The following CD22 variants were observed in gnomAD, a reference collection of about 807,000 sequenced individuals.
CD22 encodes CD22 molecule.
A neutral mutation model predicts 94.7 loss-of-function variants in CD22; 51 were observed. The observed-to-expected ratio is 0.54, with a 90% CI of 0.43 to 0.68. The LOEUF (loss-of-function observed/expected upper bound fraction) is 0.68, where lower values mean the gene tolerates loss of function less well. Among genes scored for constraint, CD22 ranks in the 30% least tolerant of loss-of-function variants. The probability of loss-of-function intolerance (pLI) is 0.00; values close to 1 mark genes in which losing one functional copy is unlikely to be tolerated. For synonymous variants in CD22, 424 were observed against 422.5 expected (o/e 1.00, Z -0.04); for missense variants, 931 against 1,060.4 (o/e 0.88, Z 1.69).
intron 6 of CD22, 147 bp downstream of exon 6, chr19:35,338,578 C>T: frequency 2.6e-6 from 2 of 771,070 alleles, no homozygotes; most frequent in Non-Finnish European, 4.1e-6. Context: ...TGTCTCAGCT[C>T]CTAGCATAGG....
Position 35,337,011 on chromosome 19 carries a change from G to A in CD22, c.718+670G>A, listed in dbSNP as rs540049875. Among the ~76,000 whole-genome samples, 10 of 152,210 alleles carry A rather than the reference G, an allele frequency of 6.6e-5. No individual in the cohort carries two copies. In the East Asian group the frequency reaches 9.7e-4, roughly 15 times the overall value. ...TCCTAGCACTTTGGAAGGCCGAGGC[G>A]GGGGGATCACAAGGTCAGGAGATCG... On this transcript the variant is annotated intron_variant, in intron 4 of 13. Coordinates refer to ENST00000085219, the MANE Select transcript of CD22 (RefSeq NM_001771.4). This position sits in a 1 kb window ranked among gnomAD's most constrained non-coding sequence, Gnocchi z 4.4.
At chr19:35,332,331 G>A (rs1230644588) in intron 2 of CD22, 2 of 648,130 alleles carry the variant, frequency 3.1e-6, no homozygotes, top group Non-Finnish European at 5.2e-6. Flanking sequence ...AAAGCTCTCT[G>A]CTGGGTGCAG....
Position 35,337,736 on chromosome 19 carries a change from T to C in CD22, c.719-19T>C. ...GAGGATTCCCCGCCCCCTCCCCGAC[T>C]GCCCCTCTGCTCCTCCAGACACCCC... On this transcript the variant is annotated intron_variant, in intron 4 of 13. Coordinates refer to ENST00000085219, the MANE Select transcript of CD22 (RefSeq NM_001771.4). The surrounding 1 kb of genome is among the most constrained non-coding windows in gnomAD (Gnocchi z 4.4). 7.6e-6 allele frequency: 12 copies of C among 1,572,924 alleles called. No individual in the cohort carries two copies. The highest frequency in any genetic ancestry group is 1.0e-5 in the Non-Finnish European group (12 of 1,150,988).
chr19:35,333,456 T>C (rs1298220176), intron 3 of CD22, among the ~76,000 whole-genome samples: 1 of 152,136 alleles, frequency 6.6e-6, no homozygotes, highest in Admixed American at 6.5e-5. Flanking sequence ...GTTTGATGGG[T>C]CAAATCCACC....
At chr19:35,338,889 A>G (rs1599682000) in intron 6 of CD22, among the ~76,000 whole-genome samples, 1 of 151,480 alleles carries the variant, frequency 6.6e-6, no homozygotes, top group Non-Finnish European at 1.5e-5. Context: ...TCGGCCTCCC[A>G]AAGTGCTGGG....
chr19:35,345,628 C>A lies in CD22; in HGVS notation c.2235C>A (p.Gly745=). Residue 745 remains glycine, a synonymous_variant, in exon 12 of 14, where the codon GGC becomes GGA. Transcript: ENST00000085219. ...KKVRRAPLSE[G]PHSLGCYNPM... ...TTAGAAGGGCCCCCCTCTCTGAAGG[C>A]CCCCACTCCCTGGGATGCTACAATC... The A allele has an allele frequency of 1.2e-6, 2 of 1,612,102 alleles. No individual in the cohort carries two copies. The highest frequency in any genetic ancestry group is 1.3e-5 in the African/African-American group (1 of 74,974).
Position 35,341,509 on chromosome 19 carries a change from T to C in CD22, c.1674T>C (p.Phe558=). The change falls in exon 8 of 14, where the codon TTT becomes TTC. Residue 558 remains phenylalanine (F), a synonymous_variant. Coordinates refer to ENST00000085219, the MANE Select transcript of CD22 (RefSeq NM_001771.4). This position sits in a 1 kb window ranked among gnomAD's most constrained non-coding sequence, Gnocchi z 4.0. ...RLLGKESQLN[F]DSISPEDAGS... Reference sequence around the variant, plus strand: ...TGGGGAAAGAAAGCCAGCTGAATTTTGACTCCATCTCCCCAGAAGATGCTG... The same window carrying C: ...TGGGGAAAGAAAGCCAGCTGAATTTCGACTCCATCTCCCCAGAAGATGCTG... 1 of 1,614,150 alleles carries C rather than the reference T, an allele frequency of 6.2e-7. No individual in the cohort carries two copies. Among genetic ancestry groups the C allele is most frequent in the Non-Finnish European group, 8.5e-7 (1 of 1,180,018 alleles).
Position 35,346,136 on chromosome 19 carries a change from T to A in CD22, c.2328-15T>A. 6.2e-7 allele frequency: 1 copy of A among 1,604,268 alleles called. No individual in the cohort carries two copies. On this transcript the variant is annotated splice_polypyrimidine_tract_variant and intron_variant, in intron 12 of 13. Transcript: ENST00000085219. ...GATGCTTCATGCGTGGTCGTCTATC[T>A]GCCCTGTCTCTCAGAGATGCAGAGT...
Position 35,329,237 on chromosome 19 carries a change from A to G in CD22, c.-23+7A>G. The G allele has an allele frequency of 7.8e-7, 1 of 1,289,202 alleles. No homozygotes were observed. Among genetic ancestry groups the G allele is most frequent in the Non-Finnish European group, 1.0e-6 (1 of 988,332 alleles). 79.9% of individuals were successfully genotyped at this position (1,289,202 alleles called of 1,614,324 possible). On this transcript the variant is annotated splice_region_variant and intron_variant, in intron 1 of 13. Transcript: ENST00000085219. ...GGAAGACACGCGGAAACAGGTAAAAATCATTTTGCTTTTATTTTGCATTCA... is the reference window on the plus strand; with the variant it reads ...GGAAGACACGCGGAAACAGGTAAAAGTCATTTTGCTTTTATTTTGCATTCA...
At position 35,336,356 on chromosome 19, in the gene CD22, C is replaced by A. The variant is rs1421484816; in HGVS notation, c.718+15C>A. The A allele has an allele frequency of 6.2e-7, 1 of 1,610,664 alleles. No homozygotes were observed. Among genetic ancestry groups the A allele is most frequent in the Non-Finnish European group, 8.5e-7 (1 of 1,177,760 alleles). On this transcript the variant is annotated intron_variant, in intron 4 of 13. Transcript: ENST00000085219. ...GAACGTGAAGCGTGAGTCTCCCCGG[C>A]ATGCCTGTGGGAAGGGCAAGGTCTG...
At position 35,332,937 on chromosome 19, in the gene CD22, G is replaced by A. The variant is rs1057268405; in HGVS notation, c.412+13G>A. The A allele has an allele frequency of 9.9e-6, 16 of 1,609,658 alleles. No homozygotes were observed. The highest frequency in any genetic ancestry group is 1.3e-5 in the Non-Finnish European group (15 of 1,176,560). On this transcript the variant is annotated intron_variant, in intron 3 of 13. Transcript: ENST00000085219. ...CTCAATGTCTCTGGTAAGGCCTTCG[G>A]GGAGCGGGTCCTCTGCTCTGGGCAG... is the stretch of plus-strand genomic sequence containing the variant.
In CD22 at chr19:35,341,957, C is replaced by G; in HGVS notation, c.2027C>G (p.Thr676Ser). The change falls in exon 9 of 14, where the codon ACC becomes AGC. Residue 676 changes from threonine (T) to serine (S), a missense_variant. Coordinates refer to ENST00000085219, the MANE Select transcript of CD22 (RefSeq NM_001771.4). This position sits in a 1 kb window ranked among gnomAD's most constrained non-coding sequence, Gnocchi z 4.0. ...GKGRSPLSTL[T>S]VYYSPETIGR... ...GGCCGTTCGCCTCTCAGCACCCTCA[C>G]CGTCTACTGTAAGGCCTCTTCCTGC... 1 of 1,612,178 alleles carries G rather than the reference C, an allele frequency of 6.2e-7. No homozygotes were observed. The highest frequency in any genetic ancestry group is 8.5e-7 in the Non-Finnish European group (1 of 1,179,022).
At chr19:35,332,440 C>T (rs2066658362) in intron 2 of CD22, 107 bp from the exon 3 acceptor site, 1 of 1,194,946 alleles carries the variant, frequency 8.4e-7, no homozygotes, top group African/African-American at 1.5e-5. Context: ...AGCAAGACCC[C>T]TATCTCTAAA....
In CD22 at chr19:35,332,718, C is replaced by T. The variant is rs778714983; in HGVS notation, c.206C>T (p.Ser69Leu). ...FHNPEYNKNT[S>L]KFDGTRLYES... ...AATCCTGAGTATAACAAGAACACCTCGAAGTTTGATGGGACAAGACTCTAT... is the reference window on the plus strand; with the variant it reads ...AATCCTGAGTATAACAAGAACACCTTGAAGTTTGATGGGACAAGACTCTAT... The change falls in exon 3 of 14, where the codon TCG becomes TTG. Residue 69 changes from serine (S) to leucine (L), a missense_variant. Coordinates refer to ENST00000085219, the MANE Select transcript of CD22 (RefSeq NM_001771.4). The T allele has an allele frequency of 1.4e-5, 22 of 1,613,968 alleles. No individual in the cohort carries two copies. Among genetic ancestry groups the T allele is most frequent in the Non-Finnish European group, 1.7e-5 (20 of 1,180,036 alleles).
chr19:35,337,793 G>A lies in CD22; in HGVS notation c.757G>A (p.Ala253Thr). 1.2e-6 allele frequency: 2 copies of A among 1,610,610 alleles called. No individual in the cohort carries two copies. Among genetic ancestry groups the A allele is most frequent in the East Asian group, 4.5e-5 (2 of 44,756 alleles). ...KLEIKVTPSD[A>T]IVREGDSVTM... Reference sequence around the variant, plus strand: ...GGAGATCAAGGTCACTCCCAGTGATGCCATAGTGAGGGAGGGGGACTCTGT... The same window carrying A: ...GGAGATCAAGGTCACTCCCAGTGATACCATAGTGAGGGAGGGGGACTCTGT... Residue 253 changes from alanine to threonine, a missense_variant, in exon 5 of 14, where the codon GCC becomes ACC. By Grantham distance (58) the Ala-to-Thr change is moderately conservative. Coordinates refer to ENST00000085219, the MANE Select transcript of CD22 (RefSeq NM_001771.4). The surrounding 1 kb of genome is among the most constrained non-coding windows in gnomAD (Gnocchi z 4.4).
chr19:35,347,030 T>G lies in CD22; in HGVS notation c.*333T>G. The stretch of plus-strand genomic sequence containing the variant: ...CTGGCCATCTCCACCCCCAGCTGCT[T>G]GTGTCCCTCCTGGGATCTGCTCGTC... On this transcript the variant is annotated 3_prime_UTR_variant, in exon 14 of 14. Coordinates refer to ENST00000085219, the MANE Select transcript of CD22 (RefSeq NM_001771.4). The G allele has an allele frequency of 4.1e-6, 1 of 243,916 alleles. No individual in the cohort carries two copies. The highest frequency in any genetic ancestry group is 6.3e-5 in the South Asian group (1 of 15,930). 15.1% of individuals were successfully genotyped at this position (243,916 alleles called of 1,614,324 possible).
At chr19:35,334,944 G>A (rs1328337165) in intron 3 of CD22, among the ~76,000 whole-genome samples, 2 of 152,000 alleles carry the variant, frequency 1.3e-5, no homozygotes, top group African/African-American at 4.8e-5. Context: ...CAGGCGTGGT[G>A]GCAGGCGCCT....
rs1002613957 is a variant in CD22 at position 35,332,146 on chromosome 19, C to G, written c.34+72C>G. ...GGGCACTGGAGGAGGAGGAAAGACC[C>G]AGGCAGAGAGGCGTCAACATAGGGT... On this transcript the variant is annotated intron_variant, in intron 2 of 13. Coordinates refer to ENST00000085219, the MANE Select transcript of CD22 (RefSeq NM_001771.4). 2.5e-6 allele frequency: 4 copies of G among 1,583,358 alleles called. No homozygotes were observed. The African/African-American group carries it at 4.0e-5, about 16-fold the overall frequency.
intron 4 of CD22, 32 bp downstream of exon 4, chr19:35,336,373 C>T: frequency 6.2e-7 from 1 of 1,601,144 alleles, no homozygotes; most frequent in South Asian, 1.1e-5. Context: ...GTGGGAAGGG[C>T]AAGGTCTGTG....
Sources: gnomAD v4.1 joint callset for allele counts (sites outside exome capture counted in the v4.1 genomes callset) on GRCh38, gnomAD v4.1.1 for gene constraint, Gnocchi (gnomAD v3.1) non-coding constraint, MANE v1.5 for transcripts, NCBI Gene and HGNC (gene_info 2026-07-23, HGNC 2026-07-21) for gene names.